The following ATP13A4 variants were observed in gnomAD, a reference collection of about 807,000 sequenced individuals.
ATP13A4 encodes probable cation-transporting ATPase 13A4.
A neutral mutation model predicts 142.5 loss-of-function variants in ATP13A4; 114 were observed. That is an observed-to-expected ratio of 0.80 (90% CI 0.69 to 0.93). The LOEUF (loss-of-function observed/expected upper bound fraction) is 0.93. Ranked by LOEUF, ATP13A4 falls within the 40% of genes least tolerant of loss-of-function variation. ATP13A4 has a pLI of 0.00. For missense variants in ATP13A4, 1,392 were observed against 1,454.0 expected (o/e 0.96, Z 0.69); for synonymous variants, 488 against 514.8 (o/e 0.95, Z 0.70).
At chr3:193,410,395 T>C (rs1361666547) in intron 28 of ATP13A4, among the ~76,000 whole-genome samples, 11 of 152,108 alleles carry the variant, frequency 7.2e-5, no homozygotes, top group Admixed American at 7.2e-4. Context: ...TAGAAAAACA[T>C]TTTCTCATAG....
At chr3:193,519,151 C>T (rs1211478644) in intron 1 of ATP13A4, among the ~76,000 whole-genome samples, 1 of 152,184 alleles carries the variant, frequency 6.6e-6, no homozygotes, top group African/African-American at 2.4e-5. Context: ...CTAGGCAGAT[C>T]TTTAGGTCCT....
At chr3:193,424,070 AC>A (rs989923907) in intron 25 of ATP13A4, among the ~76,000 whole-genome samples, 1 of 149,502 alleles carries the variant, frequency 6.7e-6, no homozygotes, top group African/African-American at 2.5e-5. Context: ...AGACAATGCC[AC>A]TTTCAACAGC....
chr3:193,402,819 A>G lies in ATP13A4; in HGVS notation c.3424T>C (p.Cys1142Arg), dbSNP rs373939066. 2 of 1,614,160 alleles carry G rather than the reference A, an allele frequency of 1.2e-6. No homozygotes were observed. Among genetic ancestry groups the G allele is most frequent in the Non-Finnish European group, 1.7e-6 (2 of 1,180,006 alleles). Residue 1142 changes from cysteine to arginine, a missense_variant, in exon 30 of 30, where the codon TGT (cysteine) becomes CGT (arginine). Physicochemically the swap from Cys to Arg is radical, Grantham distance 180. Coordinates refer to ENST00000342695, the MANE Select transcript of ATP13A4 (RefSeq NM_032279.4). ...NRALWMMIKRCFGYQSKSQYR... is the reference protein window; with the variant it reads ...NRALWMMIKRRFGYQSKSQYR... ...TGGCTTTTTGACTGATAGCCGAAAC[A>G]TCTTTTAATCATCATCCACAGGGCT...
intron 8 of ATP13A4, among the ~76,000 whole-genome samples, chr3:193,472,155 C>T (rs1335241558): frequency 1.3e-5 from 2 of 152,228 alleles, no homozygotes; most frequent in Admixed American, 1.3e-4. Context: ...TCCAGTTGAA[C>T]TTTCCATGGT....
Position 193,516,724 on chromosome 3 carries a change from C to T in ATP13A4, c.61-1853G>A, listed in dbSNP as rs1721435676. 2.0e-5 allele frequency among the ~76,000 whole-genome samples: 3 copies of T among 152,214 alleles called. No individual in the cohort carries two copies. The South Asian group carries it at 6.2e-4, about 32-fold the overall frequency. On this transcript the variant is annotated intron_variant, in intron 1 of 29. Coordinates refer to ENST00000342695, the MANE Select transcript of ATP13A4 (RefSeq NM_032279.4). ...CTTATATTGCCAGTCAGTTGAGCCC[C>T]CATGTAATATGCCTGAGTTACTCGG...
At chr3:193,403,802 G>C in intron 29 of ATP13A4, 1 of 985,214 alleles carries the variant, frequency 1.0e-6, no homozygotes, top group Non-Finnish European at 1.2e-6. Context: ...TATTGTGAAA[G>C]AAACAAAGAA....
At chr3:193,575,530 G>A (rs1202205986) in intron 2 of ATP13A4, among the ~76,000 whole-genome samples, 1 of 152,148 alleles carries the variant, frequency 6.6e-6, no homozygotes, top group Non-Finnish European at 1.5e-5. Context: ...GGAGAAGTGA[G>A]AAACGTGGCC....
chr3:193,415,104 T>C (rs1714985740), intron 25 of ATP13A4, among the ~76,000 whole-genome samples: 1 of 152,178 alleles, frequency 6.6e-6, no homozygotes, highest in Non-Finnish European at 1.5e-5. Flanking sequence ...GACTGAAAAA[T>C]GTTCATAACT....
chr3:193,465,336 C>T (rs766131322), intron 11 of ATP13A4, among the ~76,000 whole-genome samples: 17 of 152,182 alleles, frequency 1.1e-4, no homozygotes, highest in Admixed American at 3.3e-4. Flanking sequence ...TACAGGCACA[C>T]GCCACCACAC....
upstream of ATP13A4, among the ~76,000 whole-genome samples, chr3:193,557,340 T>C (rs1466485956): frequency 6.6e-6 from 1 of 152,216 alleles, no homozygotes; most frequent in Non-Finnish European, 1.5e-5. Flanking sequence ...ATCTAGATTT[T>C]ATCGATGGCA....
At chr3:193,551,329 C>T (rs1723550820) in intron 1 of ATP13A4, among the ~76,000 whole-genome samples, 1 of 152,104 alleles carries the variant, frequency 6.6e-6, no homozygotes, top group Non-Finnish European at 1.5e-5. Context: ...AGGAGAAACA[C>T]TTGAACCCAG....
chr3:193,527,120 G>A (rs370020122), intron 1 of ATP13A4, among the ~76,000 whole-genome samples: 16 of 152,136 alleles, frequency 1.1e-4, no homozygotes, highest in African/African-American at 3.9e-4. Context: ...ATCAGTGGCT[G>A]GGATTTAATC....
chr3:193,441,698 A>T, intron 19 of ATP13A4, 110 bp from the exon 20 acceptor site: 3 of 1,333,556 alleles, frequency 2.2e-6, no homozygotes, highest in Non-Finnish European at 3.2e-6. Flanking sequence ...TATCTGTAAA[A>T]GTCACTCTGA....
chr3:193,483,311 C>A (rs1357769359), intron 8 of ATP13A4, among the ~76,000 whole-genome samples: 1 of 151,984 alleles, frequency 6.6e-6, no homozygotes, highest in Non-Finnish European at 1.5e-5. Context: ...AACAAGGCAA[C>A]TTTTGGGAGT....
Position 193,498,257 on chromosome 3 carries a change from AAAAAAG to A in ATP13A4, c.381+4230_381+4235del, listed in dbSNP as rs201390294. Among the ~76,000 whole-genome samples, 611 of 152,230 alleles carry A rather than the reference AAAAAAG, an allele frequency of 4.0e-3. 12 individuals carry two copies. The highest frequency in any genetic ancestry group is 0.034 in the Admixed American group (522 of 15,288). ...CCTGGTAGCCAGATTAAACCAGTAA[AAAAAAG>A]AAAAAGAAAAAGATACTAAAATACT... is the stretch of plus-strand genomic sequence containing the variant. On this transcript the variant is annotated intron_variant, in intron 3 of 29. Coordinates refer to ENST00000342695, the MANE Select transcript of ATP13A4 (RefSeq NM_032279.4).
chr3:193,466,245 A>G, intron 10 of ATP13A4, 63 bp from the exon 11 acceptor site: 1 of 1,586,760 alleles, frequency 6.3e-7, no homozygotes, highest in Non-Finnish European at 8.6e-7. Flanking sequence ...GCTCTTCCAA[A>G]CCTCAACACT....
Position 193,411,039 on chromosome 3 carries a change from A to G in ATP13A4, c.3240T>C (p.Leu1080=). 3.1e-6 allele frequency: 5 copies of G among 1,611,058 alleles called. No homozygotes were observed. The highest frequency in any genetic ancestry group is 4.2e-6 in the Non-Finnish European group (5 of 1,177,434). Residue 1080 remains leucine (L), a synonymous_variant, in exon 28 of 30, where the codon CTT becomes CTC. Coordinates refer to ENST00000342695, the MANE Select transcript of ATP13A4 (RefSeq NM_032279.4). ...CAAATAGAATGAATAGACATACACC[A>G]AGCTGTATTATCAGCACAAGGACAA... ...YIFVLVLIIQ[L]GVCLFILFAD...
chr3:193,490,059 C>T (rs111771647), intron 6 of ATP13A4, among the ~76,000 whole-genome samples, 195 bp from the exon 7 acceptor site: 3 of 152,284 alleles, frequency 2.0e-5, no homozygotes, highest in African/African-American at 7.2e-5. Context: ...TGAATTCCCA[C>T]AGTTACCTTA....
intron 1 of ATP13A4, among the ~76,000 whole-genome samples, chr3:193,539,015 A>G (rs901147007): frequency 6.6e-6 from 1 of 150,522 alleles, no homozygotes; most frequent in Non-Finnish European, 1.5e-5. Flanking sequence ...CTGGGATTAC[A>G]GGCATGTGCC....
Sources: allele counts gnomAD v4.1 joint callset (sites outside exome capture counted in the v4.1 genomes callset), GRCh38; gene constraint gnomAD v4.1.1; transcripts MANE v1.5; gene names NCBI Gene and HGNC (gene_info 2026-07-23, HGNC 2026-07-21).